Variants in NEBL observed in about 807,000 individuals in gnomAD.
The protein encoded by NEBL is nebulette, also known as LIM and SH3 protein 2.
A neutral mutation model predicts 140.2 loss-of-function variants in NEBL; 122 were observed. The ratio of observed to expected loss-of-function variants is 0.87; its 90% confidence interval spans 0.75 to 1.01. The LOEUF is 1.01. NEBL is among the 50% of genes least tolerant of loss of function. The pLI is 0.00. For synonymous variants in NEBL, 436 were observed against 398.9 expected (o/e 1.09, Z -1.11); for missense variants, 1,365 against 1,231.3 (o/e 1.11, Z -1.62).
intron 3 of NEBL, among the ~76,000 whole-genome samples, chr10:21,019,600 A>C (rs1267067595): frequency 6.6e-6 from 1 of 152,228 alleles, no homozygotes; most frequent in African/African-American, 2.4e-5. Context: ...GCCATCTAAC[A>C]TGGTTGACCG....
intron 2 of NEBL, among the ~76,000 whole-genome samples, chr10:21,115,142 A>G (rs946673599): frequency 6.6e-6 from 1 of 151,948 alleles, no homozygotes; most frequent in Non-Finnish European, 1.5e-5. Flanking sequence ...AAGTTTTATT[A>G]TACCACTTTA....
chr10:21,097,191 G>A (rs895865583), intron 2 of NEBL, among the ~76,000 whole-genome samples: 14 of 132,060 alleles, frequency 1.1e-4, no homozygotes, highest in African/African-American at 2.3e-4. Context: ...GGTGGCTCAC[G>A]CCTGTAATCC....
Position 21,070,337 on chromosome 10 carries a change from G to A in NEBL, c.165-50136C>T, listed in dbSNP as rs144552860. 4.0e-4 allele frequency among the ~76,000 whole-genome samples: 61 copies of A among 152,246 alleles called. No individual in the cohort carries two copies. The East Asian group carries it at 0.011, about 28-fold the overall frequency. On this transcript the variant is annotated intron_variant, in intron 2 of 6. Coordinates refer to the NEBL transcript ENST00000417816. ...ATTATCTAGATATGCTTTAATCACT[G>A]TCAGATTGCCCTGGTTAAAATTAAT...
chr10:21,214,481 A>G (rs1841959301), intron 3 of NEBL, among the ~76,000 whole-genome samples: 5 of 151,454 alleles, frequency 3.3e-5, no homozygotes, highest in Non-Finnish European at 5.9e-5. Context: ...ACATGCACAC[A>G]CACGCGCACA....
intron 3 of NEBL, among the ~76,000 whole-genome samples, chr10:21,190,529 T>TA (rs1436181841): frequency 2.0e-5 from 3 of 152,134 alleles, no homozygotes; most frequent in African/African-American, 7.2e-5. Flanking sequence ...GGTACATCTC[T>TA]GAGTAGTTAA....
chr10:21,012,413 G>A (rs1170263833), intron 3 of NEBL, among the ~76,000 whole-genome samples: 1 of 152,132 alleles, frequency 6.6e-6, no homozygotes, highest in Non-Finnish European at 1.5e-5. Flanking sequence ...AGGCTGGAGT[G>A]CAGTGGCATG....
At position 21,173,635 on chromosome 10, in the gene NEBL, C is replaced by T. The variant is rs1022350145; in HGVS notation, c.69+130G>A. On this transcript the variant is annotated intron_variant, in intron 1 of 6. Transcript: ENST00000417816. The surrounding 1 kb of genome is among the most constrained non-coding windows in gnomAD (Gnocchi z 5.7). ...CTGGCGTCTTCGTTCGCGCGCCCTC[C>T]CCCCGTGCCAAGGCACACGCACACG... is the stretch of plus-strand genomic sequence containing the variant. The T allele has an allele frequency of 5.2e-5, 77 of 1,480,636 alleles. No individual in the cohort carries two copies. The highest frequency in any genetic ancestry group is 6.9e-5 in the Non-Finnish European group (75 of 1,081,906). 91.7% of individuals were successfully genotyped at this position (1,480,636 alleles called of 1,614,324 possible). A position where few individuals can be genotyped will look rare whatever the true frequency, so the allele number is the denominator to read the frequency against.
intron 2 of NEBL, among the ~76,000 whole-genome samples, chr10:21,084,941 G>T (rs1243791713): frequency 6.6e-6 from 1 of 152,190 alleles, no homozygotes; most frequent in Non-Finnish European, 1.5e-5. Context: ...TGTTGCACAT[G>T]AATGCTTTTT....
chr10:21,181,227 C>T (rs1211452631), intron 3 of NEBL, among the ~76,000 whole-genome samples: 1 of 149,386 alleles, frequency 6.7e-6, no homozygotes, highest in Non-Finnish European at 1.5e-5. Flanking sequence ...CGGGCCATTG[C>T]ATGTCAACCT....
chr10:20,889,081 G>T (rs572193145), intron 3 of NEBL, among the ~76,000 whole-genome samples: 8 of 152,298 alleles, frequency 5.3e-5, no homozygotes, highest in African/African-American at 1.7e-4. Flanking sequence ...ATAATCCCAA[G>T]GACATCCAGT....
intron 2 of NEBL, among the ~76,000 whole-genome samples, chr10:21,053,766 C>T (rs908615900): frequency 1.3e-5 from 2 of 152,110 alleles, no homozygotes; most frequent in Non-Finnish European, 2.9e-5. Flanking sequence ...GGCATGGTGG[C>T]TCAAATCTGT....
At chr10:21,039,794 T>C (rs941793196) in intron 2 of NEBL, among the ~76,000 whole-genome samples, 46 of 152,318 alleles carry the variant, frequency 3.0e-4, no homozygotes, top group Non-Finnish European at 2.9e-4. Context: ...AATATATTCC[T>C]TTTTTCTTAA....
chr10:21,142,428 T>C (rs1316228262), intron 2 of NEBL, among the ~76,000 whole-genome samples: 1 of 151,950 alleles, frequency 6.6e-6, no homozygotes, highest in Non-Finnish European at 1.5e-5. Context: ...AAACTACCCA[T>C]TCAGGGTGTA....
intron 26 of NEBL, among the ~76,000 whole-genome samples, chr10:20,807,717 T>C (rs1837734871): frequency 6.6e-6 from 1 of 152,210 alleles, no homozygotes; most frequent in Admixed American, 6.5e-5. Flanking sequence ...GAAAGGGAAA[T>C]TCAGTATTGC....
At chr10:20,833,439 G>A (rs1840602393) in intron 14 of NEBL, among the ~76,000 whole-genome samples, 1 of 152,172 alleles carries the variant, frequency 6.6e-6, no homozygotes, top group Admixed American at 6.5e-5. Flanking sequence ...CTGTCATTTA[G>A]GCAAAATGGG....
intron 3 of NEBL, among the ~76,000 whole-genome samples, chr10:20,964,879 C>T (rs956517703): frequency 4.6e-5 from 7 of 152,102 alleles, no homozygotes; most frequent in African/African-American, 7.2e-5. Flanking sequence ...CAGGTTTGCC[C>T]GTTACGTGAG....
At chr10:20,824,312 G>A (rs780574583) in intron 18 of NEBL, among the ~76,000 whole-genome samples, 1 of 152,110 alleles carries the variant, frequency 6.6e-6, no homozygotes, top group Non-Finnish European at 1.5e-5. Context: ...GATTAAGGGT[G>A]AAAACCATGC....
rs766236148 is a variant in NEBL, at chr10:20,925,432, G to A, written c.357+36240C>T. ...TAGTATCCCTCCCTCCATCCCCCTT[G>A]TAGAGCTTCCCTGAACCCTTCACCT... On this transcript the variant is annotated intron_variant, in intron 4 of 6. Coordinates refer to the NEBL transcript ENST00000417816. 2.2e-4 allele frequency among the ~76,000 whole-genome samples: 34 copies of A among 152,098 alleles called. 1 individual carries two copies. Among genetic ancestry groups the A allele is most frequent in the Admixed American group, 2.2e-3 (33 of 15,268 alleles).
intron 2 of NEBL, chr10:21,125,923 C>T: frequency 1.2e-6 from 2 of 1,614,220 alleles, no homozygotes; most frequent in Non-Finnish European, 1.7e-6. Context: ...ACCTTCTGGT[C>T]CCAGAGACAG....
Sources: allele counts gnomAD v4.1 joint callset (sites outside exome capture counted in the v4.1 genomes callset), GRCh38; gene constraint gnomAD v4.1.1; non-coding constraint Gnocchi (gnomAD v3.1); transcripts MANE v1.5; gene names NCBI Gene and HGNC (gene_info 2026-07-23, HGNC 2026-07-21).